Variants in ANKRD30B observed in about 807,000 individuals in gnomAD.
ANKRD30B encodes the protein ankyrin repeat domain-containing protein 30B.
A neutral mutation model predicts 202.2 loss-of-function variants in ANKRD30B; 144 were observed. The ratio of observed to expected loss-of-function variants is 0.71; its 90% CI spans 0.62 to 0.82. ANKRD30B has a LOEUF of 0.82. Ranked by LOEUF, ANKRD30B falls within the 40% of genes least tolerant of loss-of-function variation. The probability of loss-of-function intolerance (pLI) is 0.00; values close to 1 mark genes in which losing one functional copy is unlikely to be tolerated. For missense variants in ANKRD30B, 1,487 were observed against 1,669.1 expected, an observed-to-expected ratio of 0.89 and a Z score of 1.90; for synonymous variants, 508 against 561.3, an observed-to-expected ratio of 0.91 and a Z score of 1.34.
At position 14,810,863 on chromosome 18, in the gene ANKRD30B, T is replaced by C. The variant is rs916755149; in HGVS notation, c.2488+683T>C. 4.3e-4 allele frequency among the ~76,000 whole-genome samples: 65 copies of C among 151,350 alleles called. 2 individuals carry two copies. Among genetic ancestry groups the C allele is most frequent in the African/African-American group, 1.4e-3 (57 of 41,060 alleles). Reference sequence around the variant, plus strand: ...GCATGGTGGCACATGCCTGTAATCCTGGCAATTTAGGAGACCAAGGTGGGC... The same window carrying C: ...GCATGGTGGCACATGCCTGTAATCCCGGCAATTTAGGAGACCAAGGTGGGC... On this transcript the variant is annotated intron_variant, in intron 28 of 43. Coordinates refer to ENST00000690538, the MANE Select transcript of ANKRD30B (RefSeq NM_001367607.2).
At chr18:14,874,045 A>C in the ANKRD30B span, among the ~76,000 whole-genome samples, 2 of 152,236 alleles carry the variant, frequency 1.3e-5, no homozygotes, top group Non-Finnish European at 1.5e-5. Flanking sequence ...TTACTTGCTT[A>C]GTCAGTTTCC....
intron 41 of ANKRD30B, among the ~76,000 whole-genome samples, chr18:14,850,817 T>G (rs149044965): frequency 1.3e-5 from 2 of 151,984 alleles, no homozygotes; most frequent in East Asian, 3.9e-4. Context: ...AGAAGACTTC[T>G]TTTATATTTA....
chr18:14,935,015 C>T, the ANKRD30B span, among the ~76,000 whole-genome samples: 17 of 152,232 alleles, frequency 1.1e-4, no homozygotes, highest in Middle Eastern at 3.4e-3. Context: ...GACAGGACTG[C>T]GCTCTCAGGG....
the ANKRD30B span, among the ~76,000 whole-genome samples, chr18:14,938,277 G>A: frequency 1.3e-4 from 20 of 152,206 alleles, no homozygotes; most frequent in Non-Finnish European, 2.1e-4. Flanking sequence ...AAATGCAAAG[G>A]TGTTTTAGAA....
intron 3 of ANKRD30B, among the ~76,000 whole-genome samples, chr18:14,753,871 G>T (rs1029574450): frequency 6.6e-6 from 1 of 152,030 alleles, no homozygotes; most frequent in East Asian, 1.9e-4. Context: ...AATCCACATA[G>T]ATGAGTTAGA....
At chr18:14,847,337 G>A (rs1192269066) in intron 39 of ANKRD30B, among the ~76,000 whole-genome samples, 1 of 151,076 alleles carries the variant, frequency 6.6e-6, no homozygotes, top group African/African-American at 2.4e-5. Flanking sequence ...CTTCCAGCCA[G>A]ATACCAGCCT....
chr18:14,806,493 C>T (rs1476671019), intron 24 of ANKRD30B, among the ~76,000 whole-genome samples: 3 of 150,914 alleles, frequency 2.0e-5, no homozygotes, highest in African/African-American at 7.4e-5. Flanking sequence ...TTAAAATCTC[C>T]AGTGTACCCC....
At chr18:14,900,234 G>A in the ANKRD30B span, among the ~76,000 whole-genome samples, 2 of 152,054 alleles carry the variant, frequency 1.3e-5, no homozygotes, top group East Asian at 1.9e-4. Context: ...TCACAAATAA[G>A]TGATACATGA....
At position 14,763,718 on chromosome 18, in the gene ANKRD30B, G is replaced by C; in HGVS notation, c.853G>C (p.Ala285Pro). Reference sequence around the variant, plus strand: ...ATCTACAGGAACACCTGATGAGGCTGCACCCTTGGCGGAAAGAACACCTGA... The same window carrying C: ...ATCTACAGGAACACCTGATGAGGCTCCACCCTTGGCGGAAAGAACACCTGA... ...GTSTGTPDEA[A>P]PLAERTPDTA... is the part of the protein sequence containing the mutation. Residue 285 changes from alanine (A) to proline (P), a missense_variant, in exon 7 of 44, where the codon GCA becomes CCA. Ala to Pro is a conservative substitution (Grantham distance 27). Around this residue, in one of 6 missense-constraint regions of ANKRD30B, gnomAD observed 889 missense variants for 841.4 expected, o/e 1.06. Coordinates refer to ENST00000690538, the MANE Select transcript of ANKRD30B (RefSeq NM_001367607.2). 1 of 1,614,056 alleles carries C rather than the reference G, an allele frequency of 6.2e-7. No homozygotes were observed. The highest frequency in any genetic ancestry group is 2.2e-5 in the East Asian group (1 of 44,874).
chr18:14,784,976 C>A (rs73427594), intron 14 of ANKRD30B, among the ~76,000 whole-genome samples: 1,915 of 152,112 alleles, frequency 0.013, 44 homozygotes, highest in African/African-American at 0.044. Context: ...TCTTAAGAAA[C>A]TCAGTAACTC....
downstream of ANKRD30B, among the ~76,000 whole-genome samples, chr18:14,854,955 G>C (rs1282447547): frequency 6.6e-6 from 1 of 152,008 alleles, no homozygotes; most frequent in Non-Finnish European, 1.5e-5. Context: ...TTCTTGGAGA[G>C]GGGGATGTGG....
chr18:14,799,358 G>A, intron 22 of ANKRD30B, 63 bp downstream of exon 22: 1 of 1,379,972 alleles, frequency 7.2e-7, no homozygotes. Context: ...GAAATGCTGA[G>A]CACCTTTTTA....
At chr18:14,751,830 A>T (rs1160466678) in intron 1 of ANKRD30B, among the ~76,000 whole-genome samples, 2 of 150,406 alleles carry the variant, frequency 1.3e-5, no homozygotes, top group Admixed American at 1.3e-4. Flanking sequence ...TAATCCTGTG[A>T]CTAGGACTGC....
intron 7 of ANKRD30B, among the ~76,000 whole-genome samples, chr18:14,765,070 G>C (rs547231634): frequency 1.3e-5 from 2 of 152,312 alleles, no homozygotes; most frequent in East Asian, 3.9e-4. Flanking sequence ...AAAGGTTTGA[G>C]CAGGGGAGTC....
At chr18:14,761,912 C>T (rs982008339) in intron 6 of ANKRD30B, among the ~76,000 whole-genome samples, 1 of 152,194 alleles carries the variant, frequency 6.6e-6, no homozygotes, top group Admixed American at 6.5e-5. Flanking sequence ...ATATGAAAAT[C>T]TGTTTCTTTT....
chr18:14,834,789 G>A (rs1351423369), intron 34 of ANKRD30B, among the ~76,000 whole-genome samples: 2 of 151,788 alleles, frequency 1.3e-5, no homozygotes, highest in African/African-American at 4.8e-5. Flanking sequence ...CCCCCAAAAC[G>A]TACATTTATA....
intron 37 of ANKRD30B, among the ~76,000 whole-genome samples, chr18:14,841,512 T>A (rs1342727235): frequency 6.6e-6 from 1 of 152,180 alleles, no homozygotes; most frequent in Non-Finnish European, 1.5e-5. Flanking sequence ...TTTCTGAGTA[T>A]GTTTCTGACC....
At chr18:14,879,992 T>C in the ANKRD30B span, among the ~76,000 whole-genome samples, 1 of 152,118 alleles carries the variant, frequency 6.6e-6, no homozygotes, top group African/African-American at 2.4e-5. Flanking sequence ...CAGTGTTATC[T>C]TGTAGAATTT....
the ANKRD30B span, among the ~76,000 whole-genome samples, chr18:14,901,214 A>G: frequency 1.3e-5 from 2 of 152,198 alleles, no homozygotes; most frequent in African/African-American, 4.8e-5. Flanking sequence ...TTCATAGACA[A>G]TATCGCTTTA....
Sources: gnomAD v4.1 joint callset for allele counts (sites outside exome capture counted in the v4.1 genomes callset) on GRCh38, gnomAD v4.1.1 for gene constraint, gnomAD v4.1.1 regional missense constraint, MANE v1.5 for transcripts, NCBI Gene and HGNC (gene_info 2026-07-23, HGNC 2026-07-21) for gene names.